ZFYVE16: variants seen among roughly 807,000 people sequenced by gnomAD.
ZFYVE16 encodes the protein zinc finger FYVE domain-containing protein 16.
Under a neutral mutation model 138.1 loss-of-function variants are expected in ZFYVE16, and 89 were observed. That is an observed-to-expected ratio of 0.64 (90% confidence interval 0.54 to 0.77). The LOEUF (loss-of-function observed/expected upper bound fraction) is 0.77, where lower values mean the gene tolerates loss of function less well. Among genes scored for constraint, ZFYVE16 ranks in the 30% least tolerant of loss-of-function variants. The pLI is 0.00. For synonymous variants in ZFYVE16, 596 were observed against 618.3 expected, an observed-to-expected ratio of 0.96 and a Z score of 0.53; for missense variants, 1,793 against 1,786.7, an observed-to-expected ratio of 1.00 and a Z score of -0.06.
rs189725235 is a variant in ZFYVE16, at chr5:80,451,023, G to T, written c.3382+437G>T. ...GGCAAGGTTTCACCATGCTGGCCAGGCTGGTCTAGAACTTCTGACCTCAAG... is the reference window on the plus strand; with the variant it reads ...GGCAAGGTTTCACCATGCTGGCCAGTCTGGTCTAGAACTTCTGACCTCAAG... On this transcript the variant is annotated intron_variant, in intron 10 of 18. Coordinates refer to ENST00000505560, the MANE Select transcript of ZFYVE16 (RefSeq NM_001284236.3). Among the ~76,000 whole-genome samples the T allele has an allele frequency of 1.8e-3, 273 of 152,138 alleles. 1 individual carries two copies. The highest frequency in any genetic ancestry group is 6.4e-3 in the African/African-American group (264 of 41,514).
In ZFYVE16 at chr5:80,474,680, G is replaced by T. The variant is rs755824053; in HGVS notation, c.4311G>T (p.Lys1437Asn). The T allele has an allele frequency of 5.6e-6, 9 of 1,611,816 alleles. No individual in the cohort carries two copies. In the South Asian group the frequency reaches 6.6e-5, roughly 12 times the overall value. ...CATTTCAGGTGTTCTACTTTCTAAA[G>T]GACCAGGATTTATCTATTTTATCAA... is the stretch of plus-strand genomic sequence containing the variant. ...VKCTEVFYFL[K>N]DQDLSILSTS... is the part of the protein sequence containing the mutation. The change falls in exon 18 of 19, where the codon AAG (lysine) becomes AAT (asparagine). Residue 1437 changes from lysine (K) to asparagine (N), a missense_variant. By Grantham distance (94) the Lys-to-Asn change is moderately conservative. Coordinates refer to ENST00000505560, the MANE Select transcript of ZFYVE16 (RefSeq NM_001284236.3).
At chr5:80,413,476 AAAAAAAAAAG>A (rs1360915217) in intron 1 of ZFYVE16, among the ~76,000 whole-genome samples, 7 of 142,348 alleles carry the variant, frequency 4.9e-5, no homozygotes, top group African/African-American at 1.5e-4. Flanking sequence ...CATCTCAAAA[AAAAAAAAAAG>A]AAAAAAAAAA....
chr5:80,449,575 TAC>T lies in ZFYVE16; in HGVS notation c.3104-15_3104-14del. The T allele has an allele frequency of 6.2e-7, 1 of 1,600,368 alleles. No individual in the cohort carries two copies. The highest frequency in any genetic ancestry group is 8.5e-7 in the Non-Finnish European group (1 of 1,175,846). ...AGGATATTTATCCTGATTAATATAT[TAC>T]TTTCATCATTTAGTGCCTGTAGTAG... On this transcript the variant is annotated splice_polypyrimidine_tract_variant and intron_variant, in intron 8 of 18. Coordinates refer to ENST00000505560, the MANE Select transcript of ZFYVE16 (RefSeq NM_001284236.3).
chr5:80,414,882 A>G (rs1348047280), intron 1 of ZFYVE16, among the ~76,000 whole-genome samples: 6 of 152,240 alleles, frequency 3.9e-5, no homozygotes, highest in Non-Finnish European at 5.9e-5. Flanking sequence ...GTAGTATTAA[A>G]TGGGGTGATC....
At chr5:80,441,934 T>G (rs1383720075) in intron 5 of ZFYVE16, 1 of 985,126 alleles carries the variant, frequency 1.0e-6, no homozygotes, top group Non-Finnish European at 1.2e-6. Flanking sequence ...GGCACTATTC[T>G]GCATTCTGAA....
At chr5:80,445,174 A>T in intron 6 of ZFYVE16, 89 bp from the exon 7 acceptor site, 1 of 1,478,528 alleles carries the variant, frequency 6.8e-7, no homozygotes, top group Non-Finnish European at 9.1e-7. Flanking sequence ...GATAGCAAAA[A>T]GCTTTTGAAA....
At chr5:80,443,031 C>G in intron 5 of ZFYVE16, 92 bp from the exon 6 acceptor site, 1 of 1,259,960 alleles carries the variant, frequency 7.9e-7, no homozygotes, top group Non-Finnish European at 1.1e-6. Flanking sequence ...TTTCTCCTTA[C>G]AACTTGAAAA....
At chr5:80,474,936 G>A in intron 18 of ZFYVE16, 106 bp downstream of exon 18, 1 of 1,212,780 alleles carries the variant, frequency 8.2e-7, no homozygotes. Context: ...AATTTGTTGA[G>A]CATCAAATGT....
chr5:80,412,582 C>A (rs760652546), intron 1 of ZFYVE16, among the ~76,000 whole-genome samples: 5 of 151,930 alleles, frequency 3.3e-5, no homozygotes, highest in Non-Finnish European at 7.4e-5. Context: ...TTTTTTATAT[C>A]TTTCTTGGCA....
chr5:80,471,603 A>AC (rs1404969762), intron 15 of ZFYVE16, among the ~76,000 whole-genome samples: 1 of 151,856 alleles, frequency 6.6e-6, no homozygotes, highest in African/African-American at 2.4e-5. Flanking sequence ...GAAGGCGGTG[A>AC]CCCCCCGGAC....
chr5:80,440,466 A>G (rs1446774400), intron 5 of ZFYVE16: 1 of 985,536 alleles, frequency 1.0e-6, no homozygotes, highest in Non-Finnish European at 1.2e-6. Flanking sequence ...AAATGAGAGT[A>G]GAAGATAAGG....
chr5:80,465,350 C>A (rs1480704228), intron 15 of ZFYVE16, among the ~76,000 whole-genome samples: 1 of 140,392 alleles, frequency 7.1e-6, no homozygotes, highest in Non-Finnish European at 1.5e-5. Context: ...TTGAATATGT[C>A]ATTCCACTGT....
Position 80,437,429 on chromosome 5 carries a change from G to T in ZFYVE16, c.744G>T (p.Leu248Phe). ...TTGATTTTAACATGTCATCTGCTTT[G>T]ACTCGACAAAGTTCCAAAATGTTTC... ...SIVDFNMSSA[L>F]TRQSSKMFHA... The change falls in exon 4 of 19, where the codon TTG becomes TTT. Residue 248 changes from leucine to phenylalanine, a missense_variant. Coordinates refer to ENST00000505560, the MANE Select transcript of ZFYVE16 (RefSeq NM_001284236.3). 1 of 1,603,464 alleles carries T rather than the reference G, an allele frequency of 6.2e-7. No homozygotes were observed. Among genetic ancestry groups the T allele is most frequent in the South Asian group, 1.1e-5 (1 of 89,758 alleles).
At chr5:80,444,211 A>T (rs1378286970) in intron 6 of ZFYVE16, among the ~76,000 whole-genome samples, 1 of 152,170 alleles carries the variant, frequency 6.6e-6, no homozygotes, top group Non-Finnish European at 1.5e-5. Flanking sequence ...ATTATAATGA[A>T]ATAAGGAGAC....
chr5:80,437,252 G>A lies in ZFYVE16; in HGVS notation c.567G>A (p.Gln189=). The change falls in exon 4 of 19, where the codon CAG becomes CAA. Residue 189 remains glutamine (Q), a synonymous_variant. Transcript: ENST00000505560. ...DHDSDTVREQ[Q]NDISSELQNR... is the part of the protein sequence containing the mutation. The stretch of plus-strand genomic sequence containing the variant: ...ATAGTGATACTGTCAGAGAACAACA[G>A]AATGATATCAGTTCTGAATTACAAA... 1.2e-6 allele frequency: 2 copies of A among 1,613,760 alleles called. No homozygotes were observed. Among genetic ancestry groups the A allele is most frequent in the Non-Finnish European group, 1.7e-6 (2 of 1,179,816 alleles).
Position 80,437,343 on chromosome 5 carries a change from A to C in ZFYVE16, c.658A>C (p.Asn220His). 2 of 1,601,946 alleles carry C rather than the reference A, an allele frequency of 1.2e-6. No individual in the cohort carries two copies. Among genetic ancestry groups the C allele is most frequent in the Non-Finnish European group, 1.7e-6 (2 of 1,175,970 alleles). Residue 220 changes from asparagine (N) to histidine (H), a missense_variant, in exon 4 of 19, where the codon AAT becomes CAT. Physicochemically the swap from Asn to His is moderately conservative, Grantham distance 68. Coordinates refer to ENST00000505560, the MANE Select transcript of ZFYVE16 (RefSeq NM_001284236.3). ...AGATACAACACTTTCAGATTCCTAT[A>C]ATTACAGTGGAACAGAAAATTTAAA... is the stretch of plus-strand genomic sequence containing the variant. ...KVDTTLSDSYNYSGTENLKDK... is the reference protein window; with the variant it reads ...KVDTTLSDSYHYSGTENLKDK...
intron 7 of ZFYVE16, among the ~76,000 whole-genome samples, chr5:80,445,901 C>CTT (rs796531343): frequency 1.5e-4 from 18 of 121,960 alleles, no homozygotes; most frequent in African/African-American, 3.4e-4. Context: ...CAGATTTTAC[C>CTT]TTTTTTTTTT....
At chr5:80,440,091 G>T in intron 5 of ZFYVE16, 59 bp downstream of exon 5, 1 of 1,529,546 alleles carries the variant, frequency 6.5e-7, no homozygotes, top group Non-Finnish European at 8.8e-7. Context: ...AAATTAATTG[G>T]ATTGTGACAA....
At chr5:80,407,927 C>G (rs897777781), upstream of ZFYVE16, 2 of 152,374 alleles carry the variant, frequency 1.3e-5, no homozygotes, top group Non-Finnish European at 2.9e-5. Flanking sequence ...TCGTAGTGCG[C>G]AAGCGCCCCG....
Sources: gnomAD v4.1 joint callset for allele counts (sites outside exome capture counted in the v4.1 genomes callset) on GRCh38, gnomAD v4.1.1 for gene constraint, MANE v1.5 for transcripts, NCBI Gene and HGNC (gene_info 2026-07-23, HGNC 2026-07-21) for gene names.